Variants in DACH1 observed in about 807,000 individuals in gnomAD.
DACH1 encodes dachshund homolog 1.
Under a neutral mutation model 54.2 loss-of-function variants are expected in DACH1, and 12 were observed. The ratio of observed to expected loss-of-function variants is 0.22; its 90% CI spans 0.14 to 0.36. The LOEUF (loss-of-function observed/expected upper bound fraction) is 0.36, where lower values mean the gene tolerates loss of function less well. Ranked by LOEUF, DACH1 falls within the 10% of genes least tolerant of loss-of-function variation. The probability of loss-of-function intolerance (pLI) is 1.00; values close to 1 mark genes in which losing one functional copy is unlikely to be tolerated. For synonymous variants in DACH1, 386 were observed against 366.2 expected (o/e 1.05, Z -0.62); for missense variants, 805 against 929.8 (o/e 0.87, Z 1.75).
chr13:71,541,254 C>A (rs538008238), intron 6 of DACH1, among the ~76,000 whole-genome samples: 2 of 152,068 alleles, frequency 1.3e-5, no homozygotes, highest in African/African-American at 2.4e-5. Flanking sequence ...CTAACCAACA[C>A]CAAAGAAATA....
intron 6 of DACH1, among the ~76,000 whole-genome samples, chr13:71,547,431 A>G (rs1460111009): frequency 1.3e-5 from 2 of 152,118 alleles, no homozygotes. Context: ...TCATCTGTCA[A>G]TTTCACAGTA....
Position 71,630,611 on chromosome 13 carries a change from G to A in DACH1, c.1071C>T (p.Ala357=). 1 of 1,611,196 alleles carries A rather than the reference G, an allele frequency of 6.2e-7. No individual in the cohort carries two copies. Among genetic ancestry groups the A allele is most frequent in the Non-Finnish European group, 8.5e-7 (1 of 1,179,122 alleles). ...IKLEAMSNYH[A]SNNQHGADSE... Reference sequence around the variant, plus strand: ...AGTCTGCTCCATGTTGGTTATTACTGGCATGATAGTTGCTCATGGCTTCTA... The same window carrying A: ...AGTCTGCTCCATGTTGGTTATTACTAGCATGATAGTTGCTCATGGCTTCTA... Residue 357 remains alanine, a synonymous_variant, in exon 3 of 11, where the codon GCC becomes GCT. Transcript: ENST00000613252.
chr13:71,551,638 TAA>T (rs1009845600), intron 6 of DACH1, among the ~76,000 whole-genome samples: 15 of 152,274 alleles, frequency 9.9e-5, no homozygotes, highest in African/African-American at 3.6e-4. Flanking sequence ...AATCTTGATT[TAA>T]GTTAGGATTT....
At chr13:71,505,071 C>A (rs140006860) in intron 6 of DACH1, among the ~76,000 whole-genome samples, 79 of 151,976 alleles carry the variant, frequency 5.2e-4, no homozygotes, top group African/African-American at 1.7e-3. Context: ...AATTAGATAT[C>A]TCCTTCCTTC....
chr13:71,627,335 C>CAAA (rs1221837020), intron 3 of DACH1, among the ~76,000 whole-genome samples: 5 of 70,098 alleles, frequency 7.1e-5, no homozygotes, highest in Middle Eastern at 8.8e-3. Flanking sequence ...AACGCTCTTA[C>CAAA]AAAAAAAAAA....
At chr13:71,445,073 C>A (rs374026697) in intron 10 of DACH1, among the ~76,000 whole-genome samples, 2 of 152,096 alleles carry the variant, frequency 1.3e-5, no homozygotes, top group Non-Finnish European at 2.9e-5. Context: ...GAGCCTCCCC[C>A]ACGATAAGCC....
At chr13:71,464,448 AACAT>A in intron 10 of DACH1, 2 of 288,876 alleles carry the variant, frequency 6.9e-6, no homozygotes, top group Non-Finnish European at 1.3e-5. Context: ...AAACATTTAA[AACAT>A]ACAAACTTGT....
chr13:71,829,204 A>G (rs1227838809), intron 1 of DACH1, among the ~76,000 whole-genome samples: 1 of 151,962 alleles, frequency 6.6e-6, no homozygotes, highest in Non-Finnish European at 1.5e-5. Context: ...CCATCTACAA[A>G]TCACATAAGA....
At chr13:71,631,605 G>A (rs1203509806) in intron 2 of DACH1, among the ~76,000 whole-genome samples, 6 of 152,162 alleles carry the variant, frequency 3.9e-5, no homozygotes, top group Admixed American at 3.9e-4. Context: ...CATAAAAGTA[G>A]CTTAATCATC....
chr13:71,492,830 T>C (rs564330323), intron 6 of DACH1, among the ~76,000 whole-genome samples: 13 of 151,936 alleles, frequency 8.6e-5, no homozygotes, highest in Non-Finnish European at 1.8e-4. Context: ...AATTAAGCCT[T>C]AAGATTTCAG....
chr13:71,650,044 C>T (rs570134288), intron 2 of DACH1, among the ~76,000 whole-genome samples: 2 of 152,288 alleles, frequency 1.3e-5, no homozygotes, highest in Non-Finnish European at 2.9e-5. Flanking sequence ...CCATGATACA[C>T]ACAAAGTCTC....
Position 71,557,110 on chromosome 13 carries a change from G to A in DACH1, c.1484C>T (p.Ser495Leu). Residue 495 changes from serine to leucine, a missense_variant, in exon 6 of 11, where the codon TCA (serine) becomes TTA (leucine). Ser to Leu is a moderately radical substitution (Grantham distance 145). Around this residue, in one of 3 missense-constraint regions of DACH1, gnomAD observed 472 missense variants for 545.3 expected, o/e 0.87. Coordinates refer to ENST00000613252, the MANE Select transcript of DACH1 (RefSeq NM_080759.6). ...LSMNQMLMGL[S>L]PNVLPGPKEG... ...TTTGGGCCCAGGAAGTACATTTGGT[G>A]ATAAGCCCATCAGCATCTGGTTCAT... The A allele has an allele frequency of 6.2e-7, 1 of 1,612,240 alleles. No individual in the cohort carries two copies. Among genetic ancestry groups the A allele is most frequent in the Non-Finnish European group, 8.5e-7 (1 of 1,179,134 alleles).
chr13:71,761,151 G>A (rs1885385936), intron 1 of DACH1, among the ~76,000 whole-genome samples: 1 of 151,490 alleles, frequency 6.6e-6, no homozygotes, highest in Non-Finnish European at 1.5e-5. Flanking sequence ...TTAATCAAAT[G>A]TTGAATTACC....
chr13:71,505,017 T>C (rs1185161545), intron 6 of DACH1, among the ~76,000 whole-genome samples: 1 of 152,218 alleles, frequency 6.6e-6, no homozygotes, highest in East Asian at 1.9e-4. Context: ...AACTCAGTTT[T>C]AACTTACTGA....
chr13:71,791,178 C>T (rs982240623), intron 1 of DACH1, among the ~76,000 whole-genome samples: 2 of 150,248 alleles, frequency 1.3e-5, no homozygotes, highest in Non-Finnish European at 2.9e-5. Flanking sequence ...TTCTTTAGGA[C>T]TAACTCTCTT....
chr13:71,454,495 A>C (rs1204663365), intron 10 of DACH1, among the ~76,000 whole-genome samples: 1 of 152,226 alleles, frequency 6.6e-6, no homozygotes, highest in Admixed American at 6.5e-5. Context: ...GGTTCTAAAA[A>C]GACGGTAACT....
chr13:71,544,179 T>C (rs558183666), intron 6 of DACH1, among the ~76,000 whole-genome samples: 1 of 152,226 alleles, frequency 6.6e-6, no homozygotes, highest in Non-Finnish European at 1.5e-5. Flanking sequence ...GAAAGAACTA[T>C]ATCTATTGGG....
intron 2 of DACH1, among the ~76,000 whole-genome samples, chr13:71,639,940 A>G (rs1334522474): frequency 2.6e-5 from 4 of 152,106 alleles, no homozygotes; most frequent in Admixed American, 2.6e-4. Context: ...ATATTTCTAA[A>G]CAACCTCTTG....
At position 71,476,115 on chromosome 13, in the gene DACH1, G is replaced by T. The variant is rs570335788; in HGVS notation, c.1871-266C>A. Among the ~76,000 whole-genome samples the T allele has an allele frequency of 2.6e-5, 4 of 152,178 alleles. No individual in the cohort carries two copies. The South Asian group carries it at 6.2e-4, about 24-fold the overall frequency. ...CCATATGTAAAGATAAATTTAATAG[G>T]AAACTAATTTTAGTAAATGTTTGTA... is the stretch of plus-strand genomic sequence containing the variant. On this transcript the variant is annotated intron_variant, in intron 8 of 10. Coordinates refer to ENST00000613252, the MANE Select transcript of DACH1 (RefSeq NM_080759.6).
Sources: gnomAD v4.1 joint callset for allele counts (sites outside exome capture counted in the v4.1 genomes callset) on GRCh38, gnomAD v4.1.1 for gene constraint, gnomAD v4.1.1 regional missense constraint, MANE v1.5 for transcripts, NCBI Gene and HGNC (gene_info 2026-07-23, HGNC 2026-07-21) for gene names.